The following SULT2A1 variants were observed in gnomAD, a reference collection of about 807,000 sequenced individuals.
SULT2A1 encodes the protein sulfotransferase family 2A member 1, also known as sulfotransferase 2A1.
SULT2A1 carries 43 observed loss-of-function variants against 33.9 expected under a neutral mutation model. The ratio of observed to expected loss-of-function variants is 1.27; its 90% CI spans 1.00 to 1.64. The LOEUF is 1.64. Ranked by LOEUF, SULT2A1 falls within the 40% of genes most tolerant of loss-of-function variation. The pLI is 0.00. For synonymous variants in SULT2A1, 125 were observed against 113.6 expected (o/e 1.10, Z -0.64); for missense variants, 300 against 335.1 (o/e 0.90, Z 0.82).
In SULT2A1 at chr19:47,871,533, C is replaced by T; in HGVS notation, c.780G>A (p.Val260=). ...VSGDWKNHFT[V]AQAEDFDKLF... The stretch of plus-strand genomic sequence containing the variant: ...ATTTATCAAAGTCTTCAGCTTGGGC[C>T]ACTGTGAAGTGATTTTTCCAGTCCC... Residue 260 remains valine, a synonymous_variant, in exon 6 of 6, where the codon GTG becomes GTA. Transcript: ENST00000222002. The T allele has an allele frequency of 6.2e-7, 1 of 1,614,012 alleles. No individual in the cohort carries two copies.
chr19:47,883,471 G>A (rs1054926903), intron 2 of SULT2A1, 106 bp downstream of exon 2: 1 of 1,134,660 alleles, frequency 8.8e-7, no homozygotes, highest in East Asian at 2.5e-5. Flanking sequence ...CAACAACACA[G>A]ACCTGTTGAA....
chr19:47,874,543 A>G (rs1018357574), intron 5 of SULT2A1, 114 bp downstream of exon 5: 62 of 427,966 alleles, frequency 1.4e-4, no homozygotes, highest in East Asian at 1.1e-3. Flanking sequence ...TCATCTCGGA[A>G]AAAAAAAAAA....
intron 1 of SULT2A1, among the ~76,000 whole-genome samples, chr19:47,885,789 G>A (rs1386605492): frequency 6.6e-6 from 1 of 152,010 alleles, no homozygotes; most frequent in Admixed American, 6.6e-5. Flanking sequence ...CTCATTCTTT[G>A]CATTTCCATT....
At chr19:47,872,645 A>T (rs1464432289) in intron 5 of SULT2A1, among the ~76,000 whole-genome samples, 1 of 151,594 alleles carries the variant, frequency 6.6e-6, no homozygotes, top group Non-Finnish European at 1.5e-5. Flanking sequence ...TCCTTGCTGT[A>T]TTTCGCCTCA....
chr19:47,881,378 G>A (rs10425975), intron 3 of SULT2A1, among the ~76,000 whole-genome samples: 130,631 of 151,244 alleles, frequency 0.86, 56,575 homozygotes, highest in East Asian at 1. Context: ...CGTTATGTTG[G>A]CCAGGTTGGT....
chr19:47,881,364 G>C (rs564050775), intron 3 of SULT2A1, among the ~76,000 whole-genome samples: 1 of 152,102 alleles, frequency 6.6e-6, no homozygotes, highest in Non-Finnish European at 1.5e-5. Flanking sequence ...TAGAGACGGG[G>C]TTTCGTTATG....
intron 4 of SULT2A1, 79 bp from the exon 5 acceptor site, chr19:47,874,913 G>T: frequency 7.5e-7 from 1 of 1,327,204 alleles, no homozygotes. Context: ...TGTAATCCCA[G>T]CACTCTGGGA....
At chr19:47,885,408 A>G (rs1420493659) in intron 1 of SULT2A1, among the ~76,000 whole-genome samples, 1 of 152,190 alleles carries the variant, frequency 6.6e-6, no homozygotes, top group Non-Finnish European at 1.5e-5. Flanking sequence ...CTGTTGTATC[A>G]TGCATCAGAA....
In SULT2A1 at chr19:47,871,353, G is replaced by T; in HGVS notation, c.*102C>A. 1.1e-6 allele frequency: 1 copy of T among 887,876 alleles called. No homozygotes were observed. Among genetic ancestry groups the T allele is most frequent in the Non-Finnish European group, 1.8e-6 (1 of 556,328 alleles). 55.0% of individuals were successfully genotyped at this position (887,876 alleles called of 1,614,324 possible). On this transcript the variant is annotated 3_prime_UTR_variant, in exon 6 of 6. Transcript: ENST00000222002. The stretch of plus-strand genomic sequence containing the variant: ...CAGAGGTTTGATATTTAAGGTTTCA[G>T]GATAAAATAATAAGTCTTACACAAT...
chr19:47,882,330 T>G, intron 2 of SULT2A1, 120 bp from the exon 3 acceptor site: 3 of 1,251,318 alleles, frequency 2.4e-6, no homozygotes, highest in Non-Finnish European at 3.3e-6. Flanking sequence ...CAATGGATTC[T>G]TTTAACAAAT....
intron 1 of SULT2A1, among the ~76,000 whole-genome samples, chr19:47,885,900 C>T (rs1366844906): frequency 6.6e-6 from 1 of 152,194 alleles, no homozygotes; most frequent in Non-Finnish European, 1.5e-5. Context: ...GGATTCACTC[C>T]TGTGGATTCT....
chr19:47,874,262 C>T (rs4149452), intron 5 of SULT2A1, among the ~76,000 whole-genome samples: 35,991 of 151,894 alleles, frequency 0.24, 4,472 homozygotes, highest in Non-Finnish European at 0.27. Context: ...ATAAATTGGC[C>T]GGGCGCCGTG....
chr19:47,875,455 T>C (rs933967418), intron 4 of SULT2A1, among the ~76,000 whole-genome samples: 7 of 151,616 alleles, frequency 4.6e-5, no homozygotes, highest in African/African-American at 1.5e-4. Context: ...CTGGGCGATA[T>C]AGTGAGACCC....
chr19:47,874,549 A>G (rs1333736940), intron 5 of SULT2A1, 108 bp downstream of exon 5: 2 of 893,918 alleles, frequency 2.2e-6, no homozygotes, highest in Non-Finnish European at 3.2e-6. Context: ...CGGAAAAAAA[A>G]AAAAAAAAAA....
intron 4 of SULT2A1, among the ~76,000 whole-genome samples, chr19:47,875,806 T>C (rs1968538506): frequency 6.6e-6 from 1 of 151,972 alleles, no homozygotes; most frequent in South Asian, 2.1e-4. Flanking sequence ...TAGACAGTAA[T>C]TAGGGTTAGC....
chr19:47,871,355 A>T lies in SULT2A1; in HGVS notation c.*100T>A. ...GAGGTTTGATATTTAAGGTTTCAGG[A>T]TAAAATAATAAGTCTTACACAATGA... is the stretch of plus-strand genomic sequence containing the variant. On this transcript the variant is annotated 3_prime_UTR_variant, in exon 6 of 6. Coordinates refer to ENST00000222002, the MANE Select transcript of SULT2A1 (RefSeq NM_003167.4). The T allele has an allele frequency of 1.1e-6, 1 of 894,248 alleles. No homozygotes were observed. Among genetic ancestry groups the T allele is most frequent in the Admixed American group, 2.2e-5 (1 of 45,778 alleles). The allele number at this position is 894,248 out of a possible 1,614,324, so 55.4% of individuals were successfully genotyped here.
chr19:47,879,179 A>G (rs1221579824), intron 3 of SULT2A1, 49 bp from the exon 4 acceptor site: 1 of 1,088,658 alleles, frequency 9.2e-7, no homozygotes, highest in Non-Finnish European at 1.4e-6. Flanking sequence ...TTATGAGAGC[A>G]GGCATCCAGT....
At chr19:47,877,029 A>T (rs1158419416) in intron 4 of SULT2A1, among the ~76,000 whole-genome samples, 1 of 145,102 alleles carries the variant, frequency 6.9e-6, no homozygotes, top group Non-Finnish European at 1.5e-5. Context: ...GTGAGCCGAG[A>T]TCGTGCCACT....
intron 1 of SULT2A1, 123 bp downstream of exon 1, chr19:47,885,999 G>T: frequency 8.4e-7 from 1 of 1,196,564 alleles, no homozygotes; most frequent in Non-Finnish European, 1.2e-6. Flanking sequence ...ATGGTATTAG[G>T]CATTCCTCTC....
Sources: gnomAD v4.1 joint callset for allele counts (sites outside exome capture counted in the v4.1 genomes callset) on GRCh38, gnomAD v4.1.1 for gene constraint, MANE v1.5 for transcripts, NCBI Gene and HGNC (gene_info 2026-07-23, HGNC 2026-07-21) for gene names.